RELN: variants seen among roughly 807,000 people sequenced by gnomAD.
The protein encoded by RELN is reelin.
Under a neutral mutation model 427.6 loss-of-function variants are expected in RELN, and 108 were observed. The observed-to-expected ratio is 0.25, with a 90% CI of 0.22 to 0.30. RELN has a LOEUF of 0.30. Among genes scored for constraint, RELN ranks in the 10% least tolerant of loss-of-function variants. The pLI is 1.00. For missense variants in RELN, 3,715 were observed against 4,302.8 expected, an observed-to-expected ratio of 0.86 and a Z score of 3.82; for synonymous variants, 1,524 against 1,513.4, an observed-to-expected ratio of 1.01 and a Z score of -0.16.
chr7:103,487,410 AAAG>A, intron 60 of RELN, among the ~76,000 whole-genome samples: 1 of 151,316 alleles, frequency 6.6e-6, no homozygotes, highest in East Asian at 1.9e-4. Context: ...AGAAAAAAAA[AAAG>A]AGAAATATAA....
chr7:103,670,395 A>G (rs547965218), intron 11 of RELN, among the ~76,000 whole-genome samples: 1 of 152,266 alleles, frequency 6.6e-6, no homozygotes, highest in East Asian at 1.9e-4. Flanking sequence ...TTGTCTGTCA[A>G]CATGGGGTTC....
At chr7:103,537,593 T>G (rs1482653251) in intron 45 of RELN, among the ~76,000 whole-genome samples, 1 of 152,202 alleles carries the variant, frequency 6.6e-6, no homozygotes, top group African/African-American at 2.4e-5. Flanking sequence ...GGGCAAAATT[T>G]TAGTCCTGGT....
At chr7:103,612,965 T>C (rs1350923724) in intron 20 of RELN, among the ~76,000 whole-genome samples, 1 of 152,222 alleles carries the variant, frequency 6.6e-6, no homozygotes, top group Non-Finnish European at 1.5e-5. Flanking sequence ...ACAGTACTTG[T>C]TTCTGCTACT....
intron 24 of RELN, among the ~76,000 whole-genome samples, chr7:103,602,601 T>C (rs1386851951): frequency 2.0e-5 from 3 of 152,108 alleles, no homozygotes; most frequent in Admixed American, 1.3e-4. Context: ...AGACACCACA[T>C]GTTCTCACTC....
chr7:103,631,368 A>G (rs1398917011), intron 19 of RELN, among the ~76,000 whole-genome samples: 1 of 134,616 alleles, frequency 7.4e-6, no homozygotes, highest in Non-Finnish European at 1.5e-5. Flanking sequence ...ATCTCAGCTC[A>G]CTGCAACCTC....
chr7:103,831,354 C>T (rs1391714734), intron 3 of RELN, among the ~76,000 whole-genome samples: 2 of 151,966 alleles, frequency 1.3e-5, no homozygotes, highest in African/African-American at 4.8e-5. Context: ...GGGGAATTTT[C>T]CTTGACATCT....
intron 3 of RELN, among the ~76,000 whole-genome samples, chr7:103,801,465 C>A (rs1273778942): frequency 6.6e-6 from 1 of 151,134 alleles, no homozygotes; most frequent in Admixed American, 6.6e-5. Context: ...TCATTCTCAG[C>A]AAACTATCAC....
chr7:103,901,853 A>G (rs1427086010), intron 2 of RELN, among the ~76,000 whole-genome samples: 2 of 152,062 alleles, frequency 1.3e-5, no homozygotes, highest in Non-Finnish European at 2.9e-5. Flanking sequence ...TATACTAAGA[A>G]TCACTGAATT....
chr7:103,909,710 A>ATT lies in RELN; in HGVS notation c.337+7364_337+7365insAA, dbSNP rs1795303784. Among the ~76,000 whole-genome samples the ATT allele has an allele frequency of 1.5e-4, 6 of 41,054 alleles. 1 individual carries two copies. Among genetic ancestry groups the ATT allele is most frequent in the South Asian group, 1.9e-3 (2 of 1,040 alleles). 26.9% of individuals were successfully genotyped at this position (41,054 alleles called of 152,430 possible). On this transcript the variant is annotated intron_variant, in intron 2 of 64. Transcript: ENST00000428762. Reference sequence around the variant, plus strand: ...ATAAATATATATATTTAATATATATAAATATATATTAAATATATTTTTTAA... The same window carrying ATT: ...ATAAATATATATATTTAATATATATATTAATATATATTAAATATATTTTTTAA...
chr7:103,971,371 A>C (rs967692101), intron 1 of RELN, among the ~76,000 whole-genome samples: 2 of 152,168 alleles, frequency 1.3e-5, no homozygotes, highest in Non-Finnish European at 2.9e-5. Flanking sequence ...AATTACTAAC[A>C]TTAGCAGTTT....
At chr7:103,668,862 C>T (rs762463576) in intron 11 of RELN, among the ~76,000 whole-genome samples, 34 of 152,140 alleles carry the variant, frequency 2.2e-4, no homozygotes, top group Admixed American at 1.1e-3. Context: ...ATAAATGATG[C>T]AGATGATGAC....
At chr7:103,488,978 A>G (rs2116995709) in intron 60 of RELN, among the ~76,000 whole-genome samples, 1 of 152,324 alleles carries the variant, frequency 6.6e-6, no homozygotes, top group South Asian at 2.1e-4. Context: ...GTATTAAGCT[A>G]TGAGGATATA....
At chr7:103,687,696 T>A (rs1336934200) in intron 10 of RELN, among the ~76,000 whole-genome samples, 3 of 152,172 alleles carry the variant, frequency 2.0e-5, no homozygotes, top group Non-Finnish European at 1.5e-5. Context: ...TCATTTGGAA[T>A]AAATTTCACC....
intron 51 of RELN, chr7:103,504,399 A>G (rs929280051): frequency 6.6e-6 from 1 of 152,208 alleles, no homozygotes; most frequent in African/African-American, 2.4e-5. Flanking sequence ...ATTTTTATCT[A>G]TCAGTATTTC....
chr7:103,925,496 A>G (rs1392152123), intron 1 of RELN, among the ~76,000 whole-genome samples: 1 of 152,108 alleles, frequency 6.6e-6, no homozygotes, highest in Non-Finnish European at 1.5e-5. Flanking sequence ...CTTATTTTTC[A>G]CGTTACTTTT....
intron 3 of RELN, among the ~76,000 whole-genome samples, chr7:103,809,905 G>A (rs1792694813): frequency 6.6e-6 from 1 of 152,172 alleles, no homozygotes; most frequent in Non-Finnish European, 1.5e-5. Context: ...CAGGGGAAGT[G>A]TGACTTTTAT....
intron 3 of RELN, among the ~76,000 whole-genome samples, chr7:103,812,451 T>C (rs1173288439): frequency 2.6e-5 from 4 of 152,188 alleles, no homozygotes; most frequent in African/African-American, 7.2e-5. Context: ...AGGTGAACAA[T>C]GGGCAATTGA....
chr7:103,522,486 G>A (rs1584262125), intron 47 of RELN, among the ~76,000 whole-genome samples: 1 of 152,272 alleles, frequency 6.6e-6, no homozygotes, highest in East Asian at 1.9e-4. Flanking sequence ...ATATCACACA[G>A]CTCTGAAGGG....
rs773346355 is a variant in RELN at position 103,535,494 on chromosome 7, G to T, written c.7181-10C>A. The T allele has an allele frequency of 1.2e-6, 2 of 1,612,912 alleles. No homozygotes were observed. The highest frequency in any genetic ancestry group is 2.2e-5 in the South Asian group (2 of 91,060). On this transcript the variant is annotated splice_polypyrimidine_tract_variant and intron_variant, in intron 45 of 64. Coordinates refer to ENST00000428762, the MANE Select transcript of RELN (RefSeq NM_005045.4). The stretch of plus-strand genomic sequence containing the variant: ...TATTCCAATTCAATCGCTGAAACAG[G>T]AAACATTATTTTGGATATAAACACA...
Sources: allele counts gnomAD v4.1 joint callset (sites outside exome capture counted in the v4.1 genomes callset), GRCh38; gene constraint gnomAD v4.1.1; transcripts MANE v1.5; gene names NCBI Gene and HGNC (gene_info 2026-07-23, HGNC 2026-07-21).